LRBA: variants seen among roughly 807,000 people sequenced by gnomAD.
LRBA encodes the protein lipopolysaccharide-responsive and beige-like anchor protein.
In LRBA, 176 loss-of-function variants were observed where a neutral mutation model predicts 330.0. The observed-to-expected ratio is 0.53, with a 90% CI of 0.47 to 0.60. The LOEUF (loss-of-function observed/expected upper bound fraction) is 0.60, where lower values mean the gene tolerates loss of function less well. LRBA is among the 20% of genes least tolerant of loss of function. LRBA has a pLI of 0.00. For synonymous variants in LRBA, 1,230 were observed against 1,193.0 expected (o/e 1.03, Z -0.64); for missense variants, 3,259 against 3,444.8 (o/e 0.95, Z 1.35).
At chr4:150,468,802 C>A (rs944557144) in intron 43 of LRBA, among the ~76,000 whole-genome samples, 3 of 151,820 alleles carry the variant, frequency 2.0e-5, no homozygotes, top group Non-Finnish European at 4.4e-5. Context: ...TCTGTACATA[C>A]TCTTGGTATC....
chr4:150,638,180 CA>C lies in LRBA; in HGVS notation c.5922-39050del, dbSNP rs764839736. 1.6e-3 allele frequency among the ~76,000 whole-genome samples: 244 copies of C among 151,946 alleles called. 1 individual carries two copies. The highest frequency in any genetic ancestry group is 3.7e-3 in the Admixed American group (56 of 15,254). ...CCGAAAAGCTGGGATTACAGGCAAG[CA>C]CCGCTATGCCTGGCTAATGTTATCT... is the stretch of plus-strand genomic sequence containing the variant. On this transcript the variant is annotated intron_variant, in intron 37 of 56. Transcript: ENST00000651943.
In LRBA at chr4:150,466,296, T is replaced by G. The variant is rs112057102; in HGVS notation, c.6780+1377A>C. 6.6e-3 allele frequency among the ~76,000 whole-genome samples: 1,005 copies of G among 152,220 alleles called. 3 individuals are homozygous for G. Among genetic ancestry groups the G allele is most frequent in the Non-Finnish European group, 0.011 (730 of 67,994 alleles). On this transcript the variant is annotated intron_variant, in intron 44 of 56. Coordinates refer to ENST00000651943, the MANE Select transcript of LRBA (RefSeq NM_001364905.1). ...AATGAGTAAATAAGAGAACACACTC[T>G]TAGAGTCCCTGAGCTCTAAGTAAAG...
chr4:150,579,434 G>A, intron 40 of LRBA: 1 of 423,848 alleles, frequency 2.4e-6, no homozygotes, highest in Non-Finnish European at 4.7e-6. Context: ...TAAGTTTATT[G>A]CTCGAATGAT....
At chr4:150,988,866 C>T (rs1579417837) in intron 2 of LRBA, among the ~76,000 whole-genome samples, 1 of 151,194 alleles carries the variant, frequency 6.6e-6, no homozygotes, top group African/African-American at 2.4e-5. Flanking sequence ...TGTGAACCAC[C>T]GTGCCCAGCC....
chr4:150,842,976 A>G (rs1749320563), intron 28 of LRBA, among the ~76,000 whole-genome samples: 1 of 152,156 alleles, frequency 6.6e-6, no homozygotes, highest in African/African-American at 2.4e-5. Flanking sequence ...TTAGATTTTC[A>G]TAAGGAGCGC....
Position 150,325,825 on chromosome 4 carries a change from C to A in LRBA, c.7436G>T (p.Gly2479Val), listed in dbSNP as rs746906994. 9 of 1,613,216 alleles carry A rather than the reference C, an allele frequency of 5.6e-6. No homozygotes were observed. In the East Asian group the frequency reaches 2.0e-4, roughly 36 times the overall value. The change falls in exon 49 of 57, where the codon GGT (glycine) becomes GTT (valine). Residue 2479 changes from glycine to valine, a missense_variant. By Grantham distance (109) the Gly-to-Val change is moderately radical (BLOSUM62 -3). Coordinates refer to ENST00000651943, the MANE Select transcript of LRBA (RefSeq NM_001364905.1). ...QLLIEPHPPR[G>V]SAMQVSPLMF... ...AGCACTTACCACTTGCATGGCAGAA[C>A]CTCTGGGAGGATGGGGCTCTATGAG... is the stretch of plus-strand genomic sequence containing the variant.
chr4:150,865,281 A>G (rs1752523887), intron 22 of LRBA, among the ~76,000 whole-genome samples: 1 of 152,252 alleles, frequency 6.6e-6, no homozygotes, highest in Non-Finnish European at 1.5e-5. Flanking sequence ...AAAGTTACAG[A>G]AAGGATGGCA....
chr4:150,525,002 C>G (rs1763303669), intron 40 of LRBA, among the ~76,000 whole-genome samples: 1 of 152,040 alleles, frequency 6.6e-6, no homozygotes, highest in African/African-American at 2.4e-5. Context: ...CTATATATAT[C>G]TTGATATTTG....
intron 40 of LRBA, among the ~76,000 whole-genome samples, chr4:150,556,650 T>C (rs770387692): frequency 1.3e-5 from 2 of 152,234 alleles, no homozygotes; most frequent in Non-Finnish European, 2.9e-5. Flanking sequence ...ATTTTCCCTA[T>C]GAAATAAGCA....
At chr4:150,687,938 A>G (rs929403164) in intron 36 of LRBA, among the ~76,000 whole-genome samples, 1 of 152,182 alleles carries the variant, frequency 6.6e-6, no homozygotes, top group Non-Finnish European at 1.5e-5. Flanking sequence ...TCTTCACAGA[A>G]TTAGAAAAAA....
At chr4:150,366,416 C>A (rs548829335) in intron 47 of LRBA, among the ~76,000 whole-genome samples, 1 of 152,258 alleles carries the variant, frequency 6.6e-6, no homozygotes, top group Admixed American at 6.5e-5. Flanking sequence ...AGTTATAGGT[C>A]AGAATCTAGC....
chr4:150,659,174 G>T (rs1191984167), intron 37 of LRBA, among the ~76,000 whole-genome samples: 1 of 126,854 alleles, frequency 7.9e-6, no homozygotes, highest in Non-Finnish European at 1.7e-5. Context: ...CTGCCTGGCC[G>T]CCCATCGTCT....
chr4:150,404,466 A>C (rs1318789357), intron 47 of LRBA, among the ~76,000 whole-genome samples: 1 of 152,174 alleles, frequency 6.6e-6, no homozygotes, highest in East Asian at 1.9e-4. Context: ...TTGGCTAAAA[A>C]AGGAGTAGGG....
At chr4:150,873,647 A>T (rs1694533017) in intron 17 of LRBA, among the ~76,000 whole-genome samples, 1 of 152,096 alleles carries the variant, frequency 6.6e-6, no homozygotes, top group African/African-American at 2.4e-5. Context: ...AGTATAAGTA[A>T]AGTATAATGC....
At chr4:150,718,017 T>C (rs1582136031) in intron 36 of LRBA, among the ~76,000 whole-genome samples, 1 of 152,166 alleles carries the variant, frequency 6.6e-6, no homozygotes, top group South Asian at 2.1e-4. Context: ...ACAAAAATGA[T>C]TGCCAGGAAA....
chr4:150,285,444 C>G (rs1013472092), intron 54 of LRBA, among the ~76,000 whole-genome samples: 32 of 152,250 alleles, frequency 2.1e-4, no homozygotes, highest in African/African-American at 7.5e-4. Flanking sequence ...TTCTACTCCA[C>G]TCTCAATGCC....
intron 2 of LRBA, among the ~76,000 whole-genome samples, chr4:150,995,233 C>T (rs1379933532): frequency 4.0e-5 from 6 of 151,788 alleles, no homozygotes; most frequent in Admixed American, 1.3e-4. Context: ...GAGACTAGAG[C>T]ATGACAGAAG....
At chr4:150,341,362 C>T (rs1735525354) in intron 48 of LRBA, among the ~76,000 whole-genome samples, 1 of 151,904 alleles carries the variant, frequency 6.6e-6, no homozygotes, top group African/African-American at 2.4e-5. Context: ...GGAACAGGGT[C>T]TCACTATGTT....
chr4:150,705,199 A>G (rs772525989), intron 36 of LRBA, among the ~76,000 whole-genome samples: 2 of 152,158 alleles, frequency 1.3e-5, no homozygotes, highest in African/African-American at 2.4e-5. Flanking sequence ...AATGAAGTGT[A>G]TATTTCCCAA....
Sources: gnomAD v4.1 joint callset for allele counts (sites outside exome capture counted in the v4.1 genomes callset) on GRCh38, gnomAD v4.1.1 for gene constraint, MANE v1.5 for transcripts, NCBI Gene and HGNC (gene_info 2026-07-23, HGNC 2026-07-21) for gene names.